JPH3: variants seen among roughly 807,000 people sequenced by gnomAD.
JPH3 encodes junctophilin-3.
Under a neutral mutation model 59.6 loss-of-function variants are expected in JPH3, and 11 were observed. That is an observed-to-expected ratio of 0.18 (90% CI 0.12 to 0.31). The LOEUF (loss-of-function observed/expected upper bound fraction) is 0.31, where lower values mean the gene tolerates loss of function less well. Ranked by LOEUF, JPH3 falls within the 10% of genes least tolerant of loss-of-function variation. The pLI is 1.00. For synonymous variants in JPH3, 673 were observed against 483.6 expected (o/e 1.39, Z -5.14); for missense variants, 1,202 against 1,105.7 (o/e 1.09, Z -1.24).
intron 4 of JPH3, chr16:87,696,200 C>T (rs1186248385): frequency 4.4e-5 from 20 of 451,704 alleles, no homozygotes; most frequent in Non-Finnish European, 8.7e-5. Context: ...CCCAGTTCCA[C>T]AGGGCAGGAG....
At chr16:87,692,197 T>TTCCCTCCCTGTC (rs1270270584) in intron 4 of JPH3, among the ~76,000 whole-genome samples, 1 of 120,328 alleles carries the variant, frequency 8.3e-6, no homozygotes, top group Non-Finnish European at 1.8e-5. Flanking sequence ...CAAACAAGGT[T>TTCCCTCCCTGTC]TCCCTCCCTG....
At chr16:87,673,097 G>T (rs1427106561) in intron 2 of JPH3, among the ~76,000 whole-genome samples, 1 of 151,726 alleles carries the variant, frequency 6.6e-6, no homozygotes, top group African/African-American at 2.4e-5. Context: ...AGTGGGCCGA[G>T]ATCGCACCGT....
chr16:87,629,609 G>A (rs1349638736), intron 1 of JPH3, among the ~76,000 whole-genome samples: 1 of 145,416 alleles, frequency 6.9e-6, no homozygotes, highest in Non-Finnish European at 1.5e-5. Context: ...ATCCCGTGGG[G>A]TTCCAACTAG....
chr16:87,627,994 C>G (rs531873061), intron 1 of JPH3, among the ~76,000 whole-genome samples: 23 of 152,238 alleles, frequency 1.5e-4, no homozygotes, highest in Non-Finnish European at 1.5e-4. Context: ...ATGCAGCAGG[C>G]AGTGAGGGGA....
intron 2 of JPH3, among the ~76,000 whole-genome samples, chr16:87,665,886 C>G (rs2032844963): frequency 1.3e-5 from 2 of 152,184 alleles, no homozygotes; most frequent in Non-Finnish European, 2.9e-5. Flanking sequence ...CTGTCCTCAG[C>G]TTTGAAGTCA....
intron 1 of JPH3, among the ~76,000 whole-genome samples, chr16:87,607,969 T>G (rs1213691472): frequency 2.0e-5 from 3 of 152,270 alleles, no homozygotes; most frequent in Non-Finnish European, 4.4e-5. Context: ...ATTTTTTTGT[T>G]GCCAGTTATA....
At position 87,644,391 on chromosome 16, in the gene JPH3, C is replaced by A; in HGVS notation, c.516C>A (p.Thr172=). The change falls in exon 2 of 5, where the codon ACC becomes ACA. Residue 172 remains threonine (T), a synonymous_variant. Coordinates refer to ENST00000284262, the MANE Select transcript of JPH3 (RefSeq NM_020655.4). Reference sequence around the variant, plus strand: ...TCAACTCCCTGCGCAGCGAGCACACCAACGGCACGGCGCTGCATCCCGACG... The same window carrying A: ...TCAACTCCCTGCGCAGCGAGCACACAAACGGCACGGCGCTGCATCCCGACG... ...TSINSLRSEH[T]NGTALHPDAS... The A allele has an allele frequency of 6.2e-7, 1 of 1,612,786 alleles. No homozygotes were observed. The highest frequency in any genetic ancestry group is 8.5e-7 in the Non-Finnish European group (1 of 1,179,826).
At chr16:87,651,465 C>T (rs900698074) in intron 2 of JPH3, among the ~76,000 whole-genome samples, 1 of 152,216 alleles carries the variant, frequency 6.6e-6, no homozygotes, top group African/African-American at 2.4e-5. Context: ...GGAAAGGATT[C>T]ACCATTCTAG....
intron 2 of JPH3, among the ~76,000 whole-genome samples, chr16:87,677,185 T>TACACACAC (rs764055221): frequency 8.4e-5 from 8 of 95,150 alleles, no homozygotes; most frequent in African/African-American, 3.8e-4. Flanking sequence ...TATATATATA[T>TACACACAC]ACACACACAC....
chr16:87,658,727 C>G (rs893694125), intron 2 of JPH3, among the ~76,000 whole-genome samples: 1 of 152,202 alleles, frequency 6.6e-6, no homozygotes, highest in Non-Finnish European at 1.5e-5. Context: ...AGTGGGTGGT[C>G]AAGAAGAGCT....
intron 2 of JPH3, among the ~76,000 whole-genome samples, chr16:87,670,167 A>T (rs1028790825): frequency 2.0e-5 from 3 of 152,052 alleles, no homozygotes; most frequent in African/African-American, 7.2e-5. Context: ...GCACCGGCCG[A>T]TGTGGGCAAC....
intron 2 of JPH3, among the ~76,000 whole-genome samples, chr16:87,676,295 T>A (rs892542687): frequency 6.6e-6 from 1 of 152,248 alleles, no homozygotes; most frequent in Non-Finnish European, 1.5e-5. Context: ...AACAGTGTGT[T>A]TAGCTTGTAG....
At chr16:87,662,853 C>G (rs1447094051) in intron 2 of JPH3, among the ~76,000 whole-genome samples, 1 of 152,194 alleles carries the variant, frequency 6.6e-6, no homozygotes, top group African/African-American at 2.4e-5. Flanking sequence ...GGATGGCCCT[C>G]CCTACCTGAA....
At chr16:87,675,823 T>C (rs1189577238) in intron 2 of JPH3, among the ~76,000 whole-genome samples, 1 of 152,216 alleles carries the variant, frequency 6.6e-6, no homozygotes, top group Non-Finnish European at 1.5e-5. Context: ...AGAGGACCAC[T>C]ATTCCTCACC....
At position 87,644,242 on chromosome 16, in the gene JPH3, C is replaced by T. The variant is rs761929860; in HGVS notation, c.383-16C>T. 17 of 1,589,922 alleles carry T rather than the reference C, an allele frequency of 1.1e-5. No individual in the cohort carries two copies. The highest frequency in any genetic ancestry group is 2.7e-5 in the African/African-American group (2 of 74,700). On this transcript the variant is annotated splice_polypyrimidine_tract_variant and intron_variant, in intron 1 of 4. Coordinates refer to ENST00000284262, the MANE Select transcript of JPH3 (RefSeq NM_020655.4). ...TCTGTCGCTGGGCACTCACCCCTCT[C>T]TCATTTTCTCCCCAGGGACCTACCA... is the stretch of plus-strand genomic sequence containing the variant.
chr16:87,679,475 G>A (rs549713877), intron 2 of JPH3, among the ~76,000 whole-genome samples: 179 of 152,280 alleles, frequency 1.2e-3, no homozygotes, highest in Middle Eastern at 0.01. Flanking sequence ...TCCTGGCACC[G>A]GCAGAAAAGC....
At position 87,689,664 on chromosome 16, in the gene JPH3, C is replaced by T. The variant is rs754206759; in HGVS notation, c.1304C>T (p.Pro435Leu). The change falls in exon 4 of 5, where the codon CCG (proline) becomes CTG (leucine). Residue 435 changes from proline (P) to leucine (L), a missense_variant. Pro to Leu is a moderately conservative substitution (Grantham distance 98). Coordinates refer to ENST00000284262, the MANE Select transcript of JPH3 (RefSeq NM_020655.4). ...HRENGLEYQR[P>L]KRQTSCDDIE... ...CATACAGGGCTGGAGTACCAGAGGC[C>T]GAAGCGTCAGACCTCCTGTGACGAC... 42 of 1,611,904 alleles carry T rather than the reference C, an allele frequency of 2.6e-5. No homozygotes were observed. The highest frequency in any genetic ancestry group is 3.4e-5 in the Non-Finnish European group (40 of 1,179,590).
intron 2 of JPH3, among the ~76,000 whole-genome samples, chr16:87,650,599 G>A (rs1187981802): frequency 6.6e-6 from 1 of 152,240 alleles, no homozygotes; most frequent in Non-Finnish European, 1.5e-5. Flanking sequence ...TAAAGGAAAA[G>A]TAATTGAAGA....
chr16:87,687,624 G>T (rs1303029452), intron 3 of JPH3, among the ~76,000 whole-genome samples: 1 of 149,294 alleles, frequency 6.7e-6, no homozygotes, highest in Non-Finnish European at 1.5e-5. Context: ...TGGCTTGAAG[G>T]CACAGGAAGA....
Sources: allele counts gnomAD v4.1 joint callset (sites outside exome capture counted in the v4.1 genomes callset), GRCh38; gene constraint gnomAD v4.1.1; transcripts MANE v1.5; gene names NCBI Gene and HGNC (gene_info 2026-07-23, HGNC 2026-07-21).